Variants in KIAA1671 observed in about 807,000 individuals in gnomAD.
The protein encoded by KIAA1671 is KIAA1671, also known as uncharacterized protein KIAA1671.
KIAA1671 carries 52 observed loss-of-function variants against 131.2 expected under a neutral mutation model. That is an observed-to-expected ratio of 0.40 (90% CI 0.32 to 0.50). The LOEUF is 0.50. Ranked by LOEUF, KIAA1671 falls within the 20% of genes least tolerant of loss-of-function variation. The pLI is 0.73. For synonymous variants in KIAA1671, 1,003 were observed against 961.6 expected (o/e 1.04, Z -0.80); for missense variants, 2,360 against 2,364.2 (o/e 1.00, Z 0.04).
At chr22:25,104,025 C>A (rs1282834435) in intron 6 of KIAA1671, among the ~76,000 whole-genome samples, 1 of 152,150 alleles carries the variant, frequency 6.6e-6, no homozygotes, top group Admixed American at 6.6e-5. Flanking sequence ...GTTGCCCAGG[C>A]TGGAGTGCAG....
At chr22:25,190,371 A>G (rs1557574) in intron 11 of KIAA1671, among the ~76,000 whole-genome samples, 67,948 of 152,066 alleles carry the variant, frequency 0.45, 15,889 homozygotes, top group African/African-American at 0.57. Context: ...GTGATGGAGC[A>G]GCTGTGAATA....
At chr22:25,070,007 C>T (rs991703172) in intron 6 of KIAA1671, 1 of 218,630 alleles carries the variant, frequency 4.6e-6, no homozygotes, top group African/African-American at 2.3e-5. Flanking sequence ...CTTCTCTCTT[C>T]TTGCCTTCTT....
intron 9 of KIAA1671, chr22:25,179,397 A>G (rs985622029): frequency 1.2e-6 from 2 of 1,610,838 alleles, no homozygotes; most frequent in Admixed American, 1.7e-5. Context: ...CAGTGCGGCC[A>G]GGTGCGCCTC....
rs370506739 is a variant in KIAA1671, at chr22:25,166,302, T to G, written c.4531-4518T>G. The stretch of plus-strand genomic sequence containing the variant: ...GGGAGAAAACCCATCCATCCCTGAC[T>G]CTTGGAGAGTTCAGATCCCTGAACC... On this transcript the variant is annotated intron_variant, in intron 6 of 12. Transcript: ENST00000358431. Among the ~76,000 whole-genome samples the G allele has an allele frequency of 5.3e-5, 8 of 152,218 alleles. No homozygotes were observed. The East Asian group carries it at 1.5e-3, about 29-fold the overall frequency.
chr22:24,964,527 T>A lies in KIAA1671; in HGVS notation c.-208+11755T>A, dbSNP rs533142178. Among the ~76,000 whole-genome samples the A allele has an allele frequency of 2.6e-4, 39 of 152,230 alleles. No homozygotes were observed. The South Asian group carries it at 8.1e-3, about 32-fold the overall frequency. On this transcript the variant is annotated intron_variant, in intron 1 of 12. Transcript: ENST00000358431. Reference sequence around the variant, plus strand: ...ACTTCCATTTCCCAGGCTCAAGTGATTCTCTCTCCTCAGCCTTCTGAGTAG... The same window carrying A: ...ACTTCCATTTCCCAGGCTCAAGTGAATCTCTCTCCTCAGCCTTCTGAGTAG...
chr22:24,968,961 G>GC (rs1922452809), intron 1 of KIAA1671, among the ~76,000 whole-genome samples: 1 of 152,158 alleles, frequency 6.6e-6, no homozygotes, highest in Non-Finnish European at 1.5e-5. Flanking sequence ...GTGCAGTGGT[G>GC]CAGTCATGGC....
chr22:25,179,586 C>G, intron 9 of KIAA1671: 1 of 1,384,574 alleles, frequency 7.2e-7, no homozygotes, highest in Non-Finnish European at 9.9e-7. Flanking sequence ...CTTCCCCTGC[C>G]CAATGCGTTG....
At chr22:25,119,686 A>G (rs1931845105) in intron 6 of KIAA1671, among the ~76,000 whole-genome samples, 1 of 152,240 alleles carries the variant, frequency 6.6e-6, no homozygotes, top group Admixed American at 6.5e-5. Flanking sequence ...TGGTCAGGAA[A>G]GTCTTCTCAG....
At chr22:25,162,650 G>C (rs1933485899) in intron 6 of KIAA1671, among the ~76,000 whole-genome samples, 1 of 152,160 alleles carries the variant, frequency 6.6e-6, no homozygotes, top group Admixed American at 6.5e-5. Context: ...CTAAGTGCTG[G>C]GGTACTGTGA....
intron 1 of KIAA1671, among the ~76,000 whole-genome samples, chr22:24,995,390 A>C (rs1461935811): frequency 3.1e-5 from 3 of 95,656 alleles, no homozygotes; most frequent in Non-Finnish European, 4.4e-5. Flanking sequence ...GCAGGGTCTC[A>C]CTCTCGCCCA....
intron 11 of KIAA1671, 98 bp downstream of exon 11, chr22:25,185,217 G>A: frequency 5.5e-6 from 7 of 1,268,148 alleles, no homozygotes; most frequent in Non-Finnish European, 7.4e-6. Flanking sequence ...ATAGAAGAGA[G>A]TTACAACTTT....
Position 25,041,285 on chromosome 22 carries a change from G to C in KIAA1671, c.4155G>C (p.Glu1385Asp). The C allele has an allele frequency of 6.4e-7, 1 of 1,551,786 alleles. No individual in the cohort carries two copies. The highest frequency in any genetic ancestry group is 2.0e-5 in the Admixed American group (1 of 51,012). ...TPRKSTGRGE[E>D]DSVAQWGDHP... The stretch of plus-strand genomic sequence containing the variant: ...GGAAATCCACCGGGCGGGGAGAGGA[G>C]GACAGTGTGGCCCAGTGGGGTGACC... Residue 1385 changes from glutamate to aspartate, a missense_variant, in exon 5 of 13, where the codon GAG becomes GAC. By Grantham distance (45) the Glu-to-Asp change is conservative (BLOSUM62 2). This residue lies in a region of KIAA1671 where 1,161 missense variants were observed against 1,204.7 expected (regional missense o/e 0.96). Coordinates refer to ENST00000358431, the MANE Select transcript of KIAA1671 (RefSeq NM_001145206.2).
rs1252755049 is a variant in KIAA1671, at chr22:25,039,773, A to T, written c.2643A>T (p.Gly881=). The T allele has an allele frequency of 4.0e-6, 6 of 1,501,908 alleles. No individual in the cohort carries two copies. In the South Asian group the frequency reaches 6.6e-5, roughly 17 times the overall value. 93.0% of individuals were successfully genotyped at this position (1,501,908 alleles called of 1,614,324 possible). ...PGVGARGPPQ[G]CPLDPLSRAT... is the part of the protein sequence containing the mutation. The stretch of plus-strand genomic sequence containing the variant: ...TGGGAGCAAGGGGCCCACCCCAGGG[A>T]TGCCCCCTCGATCCTCTTTCCAGGG... Residue 881 remains glycine (G), a synonymous_variant, in exon 5 of 13, where the codon GGA becomes GGT. Transcript: ENST00000358431.
intron 6 of KIAA1671, among the ~76,000 whole-genome samples, chr22:25,147,256 A>C (rs1382546326): frequency 6.6e-6 from 1 of 151,144 alleles, no homozygotes; most frequent in Non-Finnish European, 1.5e-5. Flanking sequence ...GCAGTGGTGC[A>C]GTCTTGGCTC....
At chr22:25,185,381 G>T in intron 11 of KIAA1671, 1 of 430,634 alleles carries the variant, frequency 2.3e-6, no homozygotes, top group Non-Finnish European at 4.1e-6. Context: ...TGGAACGCCA[G>T]GGCACCATTG....
Position 25,196,068 on chromosome 22 carries a change from A to G in KIAA1671, c.*3667A>G, listed in dbSNP as rs1934817082. The G allele has an allele frequency of 6.6e-6, 1 of 152,230 alleles. No individual in the cohort carries two copies. The highest frequency in any genetic ancestry group is 2.4e-5 in the African/African-American group (1 of 41,546). The allele number at this position is 152,230 out of a possible 1,614,324, so 9.4% of individuals were successfully genotyped here. On this transcript the variant is annotated 3_prime_UTR_variant, in exon 13 of 13. Transcript: ENST00000358431. ...GTTGGAATTCTGGGTGGGCTCAGGA[A>G]GTTTAGAGCCACGTAAAAAGCTGGT...
intron 9 of KIAA1671, among the ~76,000 whole-genome samples, chr22:25,178,799 A>G (rs1257045374): frequency 6.6e-6 from 1 of 152,100 alleles, no homozygotes; most frequent in African/African-American, 2.4e-5. Flanking sequence ...TGCCAGTTCA[A>G]CAAGCTCCGG....
At position 24,957,943 on chromosome 22, in the gene KIAA1671, G is replaced by T. The variant is rs1921804091; in HGVS notation, c.-208+5171G>T. 2.8e-5 allele frequency among the ~76,000 whole-genome samples: 4 copies of T among 145,154 alleles called. No individual in the cohort carries two copies. The South Asian group carries it at 8.8e-4, about 32-fold the overall frequency. On this transcript the variant is annotated intron_variant, in intron 1 of 12. Coordinates refer to ENST00000358431, the MANE Select transcript of KIAA1671 (RefSeq NM_001145206.2). ...TCCACCCACCTCGGCCTCCCAAAGT[G>T]CTGGGATTACAGGCACCCGGCCTTT...
chr22:24,994,620 G>A (rs1479069543), intron 1 of KIAA1671, among the ~76,000 whole-genome samples: 1 of 152,138 alleles, frequency 6.6e-6, no homozygotes, highest in African/African-American at 2.4e-5. Context: ...GCTGGCTCCA[G>A]CAGGCAGAGG....
Sources: allele counts gnomAD v4.1 joint callset (sites outside exome capture counted in the v4.1 genomes callset), GRCh38; gene constraint gnomAD v4.1.1; regional missense constraint gnomAD v4.1.1; transcripts MANE v1.5; gene names NCBI Gene and HGNC (gene_info 2026-07-23, HGNC 2026-07-21).